Variants in ROR2 observed in about 807,000 individuals in gnomAD.
ROR2 encodes tyrosine-protein kinase transmembrane receptor ROR2.
Under a neutral mutation model 74.9 loss-of-function variants are expected in ROR2, and 33 were observed. The ratio of observed to expected loss-of-function variants is 0.44; its 90% CI spans 0.33 to 0.59. ROR2 has a LOEUF of 0.59. ROR2 is among the 20% of genes least tolerant of loss of function. ROR2 has a pLI of 0.02. For synonymous variants in ROR2, 586 were observed against 558.7 expected (o/e 1.05, Z -0.69); for missense variants, 1,216 against 1,313.8 (o/e 0.93, Z 1.15).
chr9:91,799,307 G>C (rs1827297871), intron 1 of ROR2, among the ~76,000 whole-genome samples: 2 of 152,258 alleles, frequency 1.3e-5, no homozygotes, highest in Admixed American at 1.3e-4. Flanking sequence ...GTGGAATCCA[G>C]GGACGCTGCT....
At chr9:91,756,623 C>G (rs369744739) in intron 3 of ROR2, among the ~76,000 whole-genome samples, 96 of 152,230 alleles carry the variant, frequency 6.3e-4, no homozygotes, top group African/African-American at 2.1e-3. Flanking sequence ...CCACTGACAC[C>G]TGACCTCCTA....
chr9:91,791,822 T>C (rs1826991176), intron 1 of ROR2, among the ~76,000 whole-genome samples: 1 of 150,636 alleles, frequency 6.6e-6, no homozygotes, highest in South Asian at 2.1e-4. Flanking sequence ...ACTAGGCCTT[T>C]AATACATTTA....
At chr9:91,782,383 G>T (rs1336616922) in intron 1 of ROR2, among the ~76,000 whole-genome samples, 1 of 151,866 alleles carries the variant, frequency 6.6e-6, no homozygotes, top group Admixed American at 6.6e-5. Flanking sequence ...TTAATTAAAG[G>T]GAGGGATGTA....
At chr9:91,810,444 T>G (rs1454438984) in intron 1 of ROR2, among the ~76,000 whole-genome samples, 1 of 152,020 alleles carries the variant, frequency 6.6e-6, no homozygotes, top group African/African-American at 2.4e-5. Context: ...ACAGATGTTC[T>G]CCCGGGCTTT....
At chr9:91,851,320 C>T (rs1487520938) in intron 1 of ROR2, among the ~76,000 whole-genome samples, 1 of 148,980 alleles carries the variant, frequency 6.7e-6, no homozygotes. Context: ...CCACTGCACA[C>T]TCCACCCTGG....
chr9:91,874,094 C>T (rs768427842), intron 1 of ROR2, among the ~76,000 whole-genome samples: 7 of 152,210 alleles, frequency 4.6e-5, no homozygotes, highest in Non-Finnish European at 7.3e-5. Context: ...TGATCGCATC[C>T]ACCTGGAAGG....
At chr9:91,779,212 T>C (rs1348065371) in intron 1 of ROR2, among the ~76,000 whole-genome samples, 1 of 152,096 alleles carries the variant, frequency 6.6e-6, no homozygotes, top group Admixed American at 6.5e-5. Context: ...GGGGGCTCTA[T>C]GTACTGTCAT....
intron 2 of ROR2, among the ~76,000 whole-genome samples, chr9:91,763,764 T>A (rs1825982822): frequency 6.6e-6 from 1 of 152,238 alleles, no homozygotes; most frequent in Non-Finnish European, 1.5e-5. Context: ...ACATCATTAG[T>A]CAGACCCAAA....
intron 1 of ROR2, among the ~76,000 whole-genome samples, chr9:91,910,537 C>T (rs1830949937): frequency 6.6e-6 from 1 of 152,118 alleles, no homozygotes; most frequent in Non-Finnish European, 1.5e-5. Flanking sequence ...AGAGTGAAAA[C>T]ACAACCAAGG....
At chr9:91,858,287 G>A (rs548444802) in intron 1 of ROR2, among the ~76,000 whole-genome samples, 1 of 152,192 alleles carries the variant, frequency 6.6e-6, no homozygotes, top group Non-Finnish European at 1.5e-5. Flanking sequence ...CTGCACACAC[G>A]CATGCATCCA....
chr9:91,924,923 C>A (rs1206132266), intron 1 of ROR2, among the ~76,000 whole-genome samples: 3 of 152,168 alleles, frequency 2.0e-5, no homozygotes, highest in African/African-American at 4.8e-5. Context: ...TACCTCACTG[C>A]AGCCTCAACC....
intron 4 of ROR2, among the ~76,000 whole-genome samples, chr9:91,739,074 G>A (rs1054730079): frequency 1.3e-5 from 2 of 152,196 alleles, no homozygotes; most frequent in Non-Finnish European, 2.9e-5. Context: ...GAAGATGCTC[G>A]GACAAGCCTT....
chr9:91,914,343 T>G (rs6479382), intron 1 of ROR2, among the ~76,000 whole-genome samples: 8,141 of 152,222 alleles, frequency 0.053, 287 homozygotes, highest in African/African-American at 0.083. Flanking sequence ...AGAATGAAAC[T>G]AAATTCCCAA....
At chr9:91,903,453 C>T (rs2119439634) in intron 1 of ROR2, among the ~76,000 whole-genome samples, 1 of 152,204 alleles carries the variant, frequency 6.6e-6, no homozygotes, top group East Asian at 1.9e-4. Context: ...TCTGTGGCCC[C>T]AAGAAGTCGA....
At chr9:91,806,981 G>GA (rs1827589874) in intron 1 of ROR2, among the ~76,000 whole-genome samples, 1 of 152,198 alleles carries the variant, frequency 6.6e-6, no homozygotes, top group Admixed American at 6.5e-5. Flanking sequence ...TTGGGAAACA[G>GA]AATCTCTGAC....
At chr9:91,928,601 C>T (rs2117934063) in intron 1 of ROR2, among the ~76,000 whole-genome samples, 1 of 152,324 alleles carries the variant, frequency 6.6e-6, no homozygotes, top group Non-Finnish European at 1.5e-5. Flanking sequence ...ATTCACCATT[C>T]TGGGGACATA....
chr9:91,723,624 C>T lies in ROR2; in HGVS notation c.*38G>A, dbSNP rs367597436. The stretch of plus-strand genomic sequence containing the variant: ...GACTGAGGTCCCTGTGGGGTCTCGG[C>T]GGGGCTTCTATCCCCGAACCCCGGG... On this transcript the variant is annotated 3_prime_UTR_variant, in exon 9 of 9. Coordinates refer to ENST00000375708, the MANE Select transcript of ROR2 (RefSeq NM_004560.4). 215 of 1,608,116 alleles carry T rather than the reference C, an allele frequency of 1.3e-4. No individual in the cohort carries two copies. Among genetic ancestry groups the T allele is most frequent in the Non-Finnish European group, 1.7e-4 (197 of 1,178,154 alleles).
At position 91,724,336 on chromosome 9, in the gene ROR2, A is replaced by C. The variant is rs1190641224; in HGVS notation, c.2158T>G (p.Trp720Gly). The C allele has an allele frequency of 6.2e-7, 1 of 1,613,484 alleles. No individual in the cohort carries two copies. The highest frequency in any genetic ancestry group is 1.1e-5 in the South Asian group (1 of 91,086). Residue 720 changes from tryptophan to glycine, a missense_variant, in exon 9 of 9, where the codon TGG becomes GGG. Coordinates refer to ENST00000375708, the MANE Select transcript of ROR2 (RefSeq NM_004560.4). ...CACTCGATCATGAGGGCATACACCC[A>C]GGCGGGACAGTCATCGGGGCAAGGC... ...VLPCPDDCPAWVYALMIECWN... is the reference protein window; with the variant it reads ...VLPCPDDCPAGVYALMIECWN...
intron 1 of ROR2, among the ~76,000 whole-genome samples, chr9:91,796,564 A>G (rs1827177268): frequency 6.6e-6 from 1 of 151,586 alleles, no homozygotes; most frequent in Non-Finnish European, 1.5e-5. Context: ...GATAATGTCT[A>G]TTTGAGGTTC....
Sources: gnomAD v4.1 joint callset for allele counts (sites outside exome capture counted in the v4.1 genomes callset) on GRCh38, gnomAD v4.1.1 for gene constraint, MANE v1.5 for transcripts, NCBI Gene and HGNC (gene_info 2026-07-23, HGNC 2026-07-21) for gene names.